CPEB3: variants seen among roughly 807,000 people sequenced by gnomAD.
CPEB3 encodes cytoplasmic polyadenylation element-binding protein 3.
CPEB3 carries 20 observed loss-of-function variants against 67.2 expected under a neutral mutation model. That is an observed-to-expected ratio of 0.30 (90% CI 0.21 to 0.43). CPEB3 has a LOEUF of 0.43. Ranked by LOEUF, CPEB3 falls within the 20% of genes least tolerant of loss-of-function variation. The pLI, the probability that CPEB3 is intolerant of heterozygous loss-of-function variation, is 1.00. For synonymous variants in CPEB3, 376 were observed against 393.1 expected, an observed-to-expected ratio of 0.96 and a Z score of 0.51; for missense variants, 746 against 968.6, an observed-to-expected ratio of 0.77 and a Z score of 3.05.
intron 9 of CPEB3, among the ~76,000 whole-genome samples, chr10:92,059,194 C>T (rs1374065218): frequency 2.6e-5 from 4 of 151,760 alleles, no homozygotes; most frequent in Non-Finnish European, 5.9e-5. Context: ...GGCATGGTAG[C>T]ACATGCCTGT....
intron 1 of CPEB3, among the ~76,000 whole-genome samples, chr10:92,261,769 A>G (rs1214081353): frequency 6.6e-6 from 1 of 152,092 alleles, no homozygotes; most frequent in Non-Finnish European, 1.5e-5. Context: ...GAATTTCTAC[A>G]AAGGGACTAT....
chr10:92,130,146 G>C (rs933411467), intron 6 of CPEB3, among the ~76,000 whole-genome samples: 1 of 151,424 alleles, frequency 6.6e-6, no homozygotes, highest in African/African-American at 2.4e-5. Context: ...CCTCTGCTTG[G>C]AATTTGCTTC....
intron 4 of CPEB3, among the ~76,000 whole-genome samples, chr10:92,169,783 T>A (rs910514909): frequency 6.6e-6 from 1 of 152,218 alleles, no homozygotes; most frequent in African/African-American, 2.4e-5. Context: ...CACCTTTTGG[T>A]TTTATCTTTT....
intron 4 of CPEB3, among the ~76,000 whole-genome samples, chr10:92,175,001 T>C (rs1184137407): frequency 6.6e-6 from 1 of 151,990 alleles, no homozygotes; most frequent in Non-Finnish European, 1.5e-5. Context: ...AACAATGAGG[T>C]AGAGTAAATA....
At chr10:92,173,931 C>A (rs934805313) in intron 4 of CPEB3, among the ~76,000 whole-genome samples, 2 of 152,128 alleles carry the variant, frequency 1.3e-5, no homozygotes, top group Admixed American at 6.6e-5. Flanking sequence ...CAGATAGAAA[C>A]CTGTTCAGAC....
chr10:92,067,899 T>C (rs1842617442), intron 9 of CPEB3, among the ~76,000 whole-genome samples: 1 of 152,208 alleles, frequency 6.6e-6, no homozygotes, highest in African/African-American at 2.4e-5. Flanking sequence ...ATGTCTCAGA[T>C]ATAGCAAACC....
chr10:92,291,087 C>T (rs1023144661), upstream of CPEB3: 5 of 263,678 alleles, frequency 1.9e-5, no homozygotes, highest in Middle Eastern at 1.3e-3. Context: ...CTAGTGGAGA[C>T]GGTCCGAAGA....
At chr10:92,079,866 GAATT>G (rs375366020) in intron 9 of CPEB3, among the ~76,000 whole-genome samples, 55 of 152,224 alleles carry the variant, frequency 3.6e-4, no homozygotes, top group African/African-American at 1.0e-3. Flanking sequence ...TTTACTAGAA[GAATT>G]AATAGTCACT....
intron 4 of CPEB3, among the ~76,000 whole-genome samples, chr10:92,153,558 A>G (rs1847063750): frequency 6.6e-6 from 1 of 152,080 alleles, no homozygotes; most frequent in Non-Finnish European, 1.5e-5. Flanking sequence ...GGCCGAGGCG[A>G]TCCCCTGGGG....
At chr10:92,259,628 TACC>T (rs1852704594) in intron 1 of CPEB3, among the ~76,000 whole-genome samples, 2 of 151,866 alleles carry the variant, frequency 1.3e-5, no homozygotes, top group African/African-American at 4.8e-5. Context: ...CATCTATCTG[TACC>T]ACATTTTTAT....
chr10:92,104,239 G>A (rs1211812397), intron 7 of CPEB3, among the ~76,000 whole-genome samples: 2 of 152,136 alleles, frequency 1.3e-5, no homozygotes, highest in East Asian at 3.9e-4. Context: ...ACCTTTTGTC[G>A]AAGATCCTCT....
At chr10:92,245,598 G>C (rs1852026440) in intron 1 of CPEB3, among the ~76,000 whole-genome samples, 1 of 151,948 alleles carries the variant, frequency 6.6e-6, no homozygotes, top group African/African-American at 2.4e-5. Context: ...TCTTCCTCTA[G>C]CCTCCTAAAG....
chr10:92,168,709 T>G (rs891653898), intron 4 of CPEB3, among the ~76,000 whole-genome samples: 5 of 152,100 alleles, frequency 3.3e-5, no homozygotes, highest in Non-Finnish European at 7.4e-5. Context: ...AAGGATGTGT[T>G]TGCTTCCCCT....
intron 2 of CPEB3, among the ~76,000 whole-genome samples, chr10:92,209,423 G>A (rs2134322725): frequency 6.6e-6 from 1 of 152,248 alleles, no homozygotes; most frequent in South Asian, 2.1e-4. Flanking sequence ...TACTTGGGAG[G>A]CTGAGGCATG....
At chr10:92,096,235 G>A (rs748556957) in intron 7 of CPEB3, among the ~76,000 whole-genome samples, 2 of 151,938 alleles carry the variant, frequency 1.3e-5, no homozygotes, top group African/African-American at 4.8e-5. Context: ...AACTATAGTA[G>A]AACGACTATT....
At chr10:92,074,611 A>G (rs1842870647) in intron 9 of CPEB3, among the ~76,000 whole-genome samples, 1 of 152,192 alleles carries the variant, frequency 6.6e-6, no homozygotes, top group South Asian at 2.1e-4. Flanking sequence ...ACCCTGAGAA[A>G]TAGGGGAAAA....
chr10:92,179,548 C>T (rs1848373525), intron 4 of CPEB3, among the ~76,000 whole-genome samples: 1 of 152,140 alleles, frequency 6.6e-6, no homozygotes, highest in Admixed American at 6.5e-5. Flanking sequence ...GCAAGTTAAG[C>T]ATGTTTATTA....
chr10:92,138,399 C>G (rs1846217907), intron 6 of CPEB3: 1 of 173,494 alleles, frequency 5.8e-6, no homozygotes, highest in Non-Finnish European at 1.3e-5. Context: ...CTAGCCCCAG[C>G]CAGGATTCAT....
At chr10:92,288,546 C>T (rs1259565632) in intron 1 of CPEB3, among the ~76,000 whole-genome samples, 1 of 151,536 alleles carries the variant, frequency 6.6e-6, no homozygotes, top group Non-Finnish European at 1.5e-5. Flanking sequence ...CTTGAAAATA[C>T]CTAGAAGTGG....
Sources: allele counts gnomAD v4.1 joint callset (sites outside exome capture counted in the v4.1 genomes callset), GRCh38; gene constraint gnomAD v4.1.1; transcripts MANE v1.5; gene names NCBI Gene and HGNC (gene_info 2026-07-23, HGNC 2026-07-21).